The following FAT1 variants were observed in gnomAD, a reference collection of about 807,000 sequenced individuals.
FAT1 encodes the protein FAT atypical cadherin 1.
FAT1 carries 171 observed loss-of-function variants against 329.8 expected under a neutral mutation model. The ratio of observed to expected loss-of-function variants is 0.52; its 90% CI spans 0.46 to 0.59. The LOEUF (loss-of-function observed/expected upper bound fraction) is 0.59. Among genes scored for constraint, FAT1 ranks in the 20% least tolerant of loss-of-function variants. FAT1 has a pLI of 0.00. For missense variants in FAT1, 5,672 were observed against 5,774.4 expected, an observed-to-expected ratio of 0.98 and a Z score of 0.57; for synonymous variants, 2,233 against 2,228.6, an observed-to-expected ratio of 1.00 and a Z score of -0.06.
rs1738934039 is a variant in FAT1 at position 186,603,647 on chromosome 4, T to A, written c.10879A>T (p.Ile3627Phe). 1.9e-6 allele frequency: 3 copies of A among 1,613,946 alleles called. No homozygotes were observed. In the South Asian group the frequency reaches 3.3e-5, roughly 18 times the overall value. Reference protein sequence around the residue: ...TDGKFTTVADITVHIRQVTQE... With the variant: ...TDGKFTTVADFTVHIRQVTQE... ...GTGACTTGTCTGATATGCACTGTGA[T>A]GTCGGCCACCGTCGTGAACTTCCCA... Residue 3627 changes from isoleucine (I) to phenylalanine (F), a missense_variant, in exon 19 of 27, where the codon ATC (isoleucine) becomes TTC (phenylalanine). Transcript: ENST00000441802.
At chr4:186,671,140 T>C (rs1412779493) in intron 2 of FAT1, among the ~76,000 whole-genome samples, 1 of 152,148 alleles carries the variant, frequency 6.6e-6, no homozygotes, top group African/African-American at 2.4e-5. Context: ...TTTTTGAACT[T>C]ACCTGTTTTT....
intron 1 of FAT1, among the ~76,000 whole-genome samples, chr4:186,719,445 A>C (rs1745368071): frequency 6.6e-6 from 1 of 152,194 alleles, no homozygotes; most frequent in African/African-American, 2.4e-5. Context: ...TAAAATCCCA[A>C]ACCTCCCTTA....
At chr4:186,594,350 T>C (rs10021310) in intron 26 of FAT1, among the ~76,000 whole-genome samples, 80,148 of 151,716 alleles carry the variant, frequency 0.53, 21,429 homozygotes, top group Middle Eastern at 0.66. Context: ...CGTGAGCCAC[T>C]GCGCCCGGCC....
At chr4:186,613,395 T>G (rs1739557307) in intron 12 of FAT1, 53 bp from the exon 13 acceptor site, 1 of 1,322,338 alleles carries the variant, frequency 7.6e-7, no homozygotes, top group East Asian at 2.3e-5. Context: ...GACTTGCAGT[T>G]GTACATCTTA....
intron 2 of FAT1, among the ~76,000 whole-genome samples, chr4:186,674,074 T>TA (rs1345242938): frequency 1.3e-5 from 2 of 152,228 alleles, no homozygotes; most frequent in Non-Finnish European, 2.9e-5. Context: ...TTTCAGAAGA[T>TA]ACGCAATTTC....
chr4:186,708,043 A>G lies in FAT1; in HGVS notation c.1785T>C (p.Asp595=). 6.2e-7 allele frequency: 1 copy of G among 1,614,008 alleles called. No individual in the cohort carries two copies. Among genetic ancestry groups the G allele is most frequent in the Non-Finnish European group, 8.5e-7 (1 of 1,179,900 alleles). Residue 595 remains aspartate, a synonymous_variant, in exon 2 of 27, where the codon GAT becomes GAC. Transcript: ENST00000441802. ...ACTGTACCAACTGAAGTTCATCTGC[A>G]TCAATAGCAGAAACAGTGGTTATTT... ...GEQITTVSAI[D]ADELQLVQYQ... is the part of the protein sequence containing the mutation.
intron 26 of FAT1, among the ~76,000 whole-genome samples, chr4:186,594,893 T>C: frequency 6.6e-6 from 1 of 151,762 alleles, no homozygotes; most frequent in East Asian, 1.9e-4. Context: ...TATTAATATG[T>C]TTAATAATAA....
At chr4:186,616,200 A>G (rs1160169012) in intron 11 of FAT1, among the ~76,000 whole-genome samples, 1 of 152,102 alleles carries the variant, frequency 6.6e-6, no homozygotes, top group Non-Finnish European at 1.5e-5. Flanking sequence ...AACTCGTCTC[A>G]TGTCATCTCT....
In FAT1 at chr4:186,687,567, T is replaced by C. The variant is rs533538033; in HGVS notation, c.3265+18996A>G. On this transcript the variant is annotated intron_variant, in intron 2 of 26. Coordinates refer to ENST00000441802, the MANE Select transcript of FAT1 (RefSeq NM_005245.4). ...GTGTCCCAAATCAAAAAATCTGAAATGCTGCAAAATCTGAAACTTTGGAGC... is the reference window on the plus strand; with the variant it reads ...GTGTCCCAAATCAAAAAATCTGAAACGCTGCAAAATCTGAAACTTTGGAGC... 2.0e-5 allele frequency among the ~76,000 whole-genome samples: 3 copies of C among 152,288 alleles called. No homozygotes were observed. The South Asian group carries it at 6.2e-4, about 32-fold the overall frequency.
At chr4:186,717,606 G>A (rs1745276081) in intron 1 of FAT1, among the ~76,000 whole-genome samples, 1 of 152,174 alleles carries the variant, frequency 6.6e-6, no homozygotes, top group South Asian at 2.1e-4. Flanking sequence ...GATTCCTGAA[G>A]TGTTCCTGCC....
rs766819444 is a variant in FAT1, at chr4:186,595,712, T to A, written c.13115A>T (p.Gln4372Leu). 1.1e-5 allele frequency: 18 copies of A among 1,614,034 alleles called. No individual in the cohort carries two copies. The highest frequency in any genetic ancestry group is 1.5e-5 in the Non-Finnish European group (18 of 1,179,898). ...ACCATTGTCATCGCACGATTCGGAC[T>A]GGAAGGAGCTCAGAGACTGCACTTC... Reference protein sequence around the residue: ...LSEVQSLSSFQSESCDDNGYH... With the variant: ...LSEVQSLSSFLSESCDDNGYH... The change falls in exon 26 of 27, where the codon CAG (glutamine) becomes CTG (leucine). Residue 4372 changes from glutamine to leucine, a missense_variant. Around this residue, in one of 2 missense-constraint regions of FAT1, gnomAD observed 1,706 missense variants for 1,859.1 expected, o/e 0.92. Coordinates refer to ENST00000441802, the MANE Select transcript of FAT1 (RefSeq NM_005245.4).
intron 9 of FAT1, among the ~76,000 whole-genome samples, chr4:186,625,312 C>T (rs1052054388): frequency 2.0e-5 from 3 of 152,190 alleles, no homozygotes; most frequent in African/African-American, 4.8e-5. Flanking sequence ...TTCATCTTTA[C>T]TCAAGGCACT....
Position 186,636,103 on chromosome 4 carries a change from C to A in FAT1, c.4105G>T (p.Glu1369Ter), listed in dbSNP as rs1206996841. The part of the protein sequence containing the change: ...EESFFTFTVM[E>*]SDPVAHMIGV... ...ATCATGTGAGCAACGGGGTCACTTT[C>A]CATCACAGTAAAGGTAAAAAATGAT... Residue 1369 changes from glutamate (E) to a stop codon, truncating the protein, a stop_gained, in exon 6 of 27, where the codon GAA becomes TAA. Coordinates refer to ENST00000441802, the MANE Select transcript of FAT1 (RefSeq NM_005245.4). LOFTEE classifies it high-confidence loss of function. 6.2e-7 allele frequency: 1 copy of A among 1,613,818 alleles called. No homozygotes were observed. The highest frequency in any genetic ancestry group is 8.5e-7 in the Non-Finnish European group (1 of 1,179,892).
rs1214143258 is a variant in FAT1, at chr4:186,723,855, T to C, written c.-210A>G. The C allele has an allele frequency of 2.7e-5, 4 of 145,790 alleles. No individual in the cohort carries two copies. In the Middle Eastern group the frequency reaches 0.011, roughly 399 times the overall value. The allele number at this position is 145,790 out of a possible 1,614,324, so 9.0% of individuals were successfully genotyped here. ...CCAGCTCGGCGCCGGCGCCTCACGC[T>C]CCCCGAGCGCAGGAGATCCCTCCGC... On this transcript the variant is annotated 5_prime_UTR_variant, in exon 1 of 27. Coordinates refer to ENST00000441802, the MANE Select transcript of FAT1 (RefSeq NM_005245.4).
chr4:186,700,477 A>G (rs951592177), intron 2 of FAT1, among the ~76,000 whole-genome samples: 3 of 152,180 alleles, frequency 2.0e-5, no homozygotes, highest in African/African-American at 7.2e-5. Flanking sequence ...TAATTGTGCT[A>G]GATAGCAATA....
intron 7 of FAT1, among the ~76,000 whole-genome samples, chr4:186,629,114 C>A (rs1740464018): frequency 6.6e-6 from 1 of 151,984 alleles, no homozygotes; most frequent in Non-Finnish European, 1.5e-5. Context: ...AACAATTTAC[C>A]AGGATTTATA....
At chr4:186,692,414 G>A (rs889357604) in intron 2 of FAT1, among the ~76,000 whole-genome samples, 24 of 152,030 alleles carry the variant, frequency 1.6e-4, no homozygotes, top group African/African-American at 4.6e-4. Context: ...CCGGGTTCAC[G>A]CCATTCTCCT....
At position 186,596,918 on chromosome 4, in the gene FAT1, G is replaced by A. The variant is rs201960763; in HGVS notation, c.12622C>T (p.Arg4208Trp). 2,375 of 1,613,798 alleles carry A rather than the reference G, an allele frequency of 1.5e-3. 5 individuals carry two copies. The highest frequency in any genetic ancestry group is 1.9e-3 in the Non-Finnish European group (2,220 of 1,179,904). The change falls in exon 25 of 27, where the codon CGG becomes TGG. Residue 4208 changes from arginine to tryptophan, a missense_variant. Coordinates refer to ENST00000441802, the MANE Select transcript of FAT1 (RefSeq NM_005245.4). This position sits in a 1 kb window ranked among gnomAD's most constrained non-coding sequence, Gnocchi z 4.7. ...VFVLCRKMIS[R>W]KKKHQAEPKD... ...GGTTCAGCCTGATGCTTCTTTTTCC[G>A]ACTAATCATCTTACGGCAGAGAACA...
intron 2 of FAT1, among the ~76,000 whole-genome samples, chr4:186,703,116 C>A (rs1350346827): frequency 6.6e-6 from 1 of 152,086 alleles, no homozygotes; most frequent in Non-Finnish European, 1.5e-5. Context: ...GAACAGTTCA[C>A]CAACATCCAG....
Sources: allele counts gnomAD v4.1 joint callset (sites outside exome capture counted in the v4.1 genomes callset), GRCh38; gene constraint gnomAD v4.1.1; regional missense constraint gnomAD v4.1.1; non-coding constraint Gnocchi (gnomAD v3.1); transcripts MANE v1.5; gene names NCBI Gene and HGNC (gene_info 2026-07-23, HGNC 2026-07-21).